The following SEC14L1 variants were observed in gnomAD, a reference collection of about 807,000 sequenced individuals.
The protein encoded by SEC14L1 is SEC14-like protein 1.
In SEC14L1, 48 loss-of-function variants were observed where a neutral mutation model predicts 85.3. The observed-to-expected ratio is 0.56, with a 90% CI of 0.45 to 0.72. SEC14L1 has a LOEUF of 0.72. SEC14L1 is among the 30% of genes least tolerant of loss of function. The probability of loss-of-function intolerance (pLI) is 0.00; values close to 1 mark genes in which losing one functional copy is unlikely to be tolerated. For missense variants in SEC14L1, 682 were observed against 921.4 expected (o/e 0.74, Z 3.36); for synonymous variants, 391 against 355.5 (o/e 1.10, Z -1.12).
intron 3 of SEC14L1, among the ~76,000 whole-genome samples, chr17:77,178,678 A>C (rs1974866628): frequency 6.6e-6 from 1 of 152,232 alleles, no homozygotes. Context: ...TGCAGCTTAC[A>C]GAGCGTGCAG....
intron 3 of SEC14L1, among the ~76,000 whole-genome samples, chr17:77,189,878 T>A (rs1010710060): frequency 6.6e-6 from 1 of 152,184 alleles, no homozygotes; most frequent in Non-Finnish European, 1.5e-5. Flanking sequence ...TCTGCCCACC[T>A]CAGACTCCCA....
In SEC14L1 at chr17:77,105,373, ACC is replaced by A. The variant is rs796673679; in HGVS notation, c.-136+12036_-136+12037del. 1.6e-3 allele frequency among the ~76,000 whole-genome samples: 129 copies of A among 82,406 alleles called. 4 individuals are homozygous for A. Among genetic ancestry groups the A allele is most frequent in the South Asian group, 5.2e-3 (14 of 2,684 alleles). 54.1% of individuals were successfully genotyped at this position (82,406 alleles called of 152,430 possible). Reference sequence around the variant, plus strand: ...GCCTGTGACATGCTCCTCGCTGACCACCCCCCCCCCCACCCCACGTAAAAAGA... The same window carrying A: ...GCCTGTGACATGCTCCTCGCTGACCACCCCCCCCCACCCCACGTAAAAAGA... On this transcript the variant is annotated intron_variant, in intron 3 of 19. Transcript: ENST00000392476.
intron 3 of SEC14L1, among the ~76,000 whole-genome samples, chr17:77,167,028 A>G (rs1256682874): frequency 6.6e-6 from 1 of 151,964 alleles, no homozygotes; most frequent in Non-Finnish European, 1.5e-5. Flanking sequence ...TCTTGTGTTC[A>G]TGTGTCCTCA....
intron 3 of SEC14L1, among the ~76,000 whole-genome samples, chr17:77,148,187 C>T (rs749911038): frequency 6.6e-6 from 1 of 152,028 alleles, no homozygotes; most frequent in Non-Finnish European, 1.5e-5. Context: ...ATGAAGGAGG[C>T]GGGAGGCCAC....
chr17:77,100,837 A>G (rs1012834372), intron 3 of SEC14L1, among the ~76,000 whole-genome samples: 1 of 151,844 alleles, frequency 6.6e-6, no homozygotes, highest in Non-Finnish European at 1.5e-5. Flanking sequence ...ATCCATTCCA[A>G]TTTTTTTCTT....
rs1285638876 is a variant in SEC14L1 at position 77,214,307 on chromosome 17, A to G, written c.*284A>G. ...TTGAAAGAAAAGTAGTTTCTGTACCAATTAAAGGATTGACGTGGTCTCAGA... is the reference window on the plus strand; with the variant it reads ...TTGAAAGAAAAGTAGTTTCTGTACCGATTAAAGGATTGACGTGGTCTCAGA... On this transcript the variant is annotated 3_prime_UTR_variant, in exon 17 of 17. Transcript: ENST00000436233. 5.9e-6 allele frequency: 7 copies of G among 1,186,150 alleles called. No individual in the cohort carries two copies. Among genetic ancestry groups the G allele is most frequent in the South Asian group, 2.6e-5 (1 of 38,160 alleles). The allele number at this position is 1,186,150 out of a possible 1,614,324, so 73.5% of individuals were successfully genotyped here.
In SEC14L1 at chr17:77,213,527, C is replaced by T; in HGVS notation, c.2042+35C>T. The T allele has an allele frequency of 1.9e-6, 3 of 1,600,208 alleles. No homozygotes were observed. The highest frequency in any genetic ancestry group is 8.5e-7 in the Non-Finnish European group (1 of 1,179,124). On this transcript the variant is annotated intron_variant, in intron 16 of 16. Transcript: ENST00000436233. The surrounding 1 kb of genome is among the most constrained non-coding windows in gnomAD (Gnocchi z 7.1). ...CCCTCGCCACAGCAGGTGCTGCGGACAGCTGGGCATGGTTGGAGGGAGCCT... is the reference window on the plus strand; with the variant it reads ...CCCTCGCCACAGCAGGTGCTGCGGATAGCTGGGCATGGTTGGAGGGAGCCT...
At chr17:77,169,998 C>T (rs151125383) in intron 3 of SEC14L1, among the ~76,000 whole-genome samples, 97 of 152,260 alleles carry the variant, frequency 6.4e-4, no homozygotes, top group Middle Eastern at 3.4e-3. Flanking sequence ...GTTATAGGAT[C>T]GGCCTCAGTC....
At chr17:77,191,006 C>T (rs983155128) in intron 4 of SEC14L1, 54 bp downstream of exon 4, 278 of 1,598,618 alleles carry the variant, frequency 1.7e-4, no homozygotes, top group Non-Finnish European at 2.2e-4. Flanking sequence ...TGGGAGAGGG[C>T]GTCCTGGTGG....
intron 3 of SEC14L1, among the ~76,000 whole-genome samples, chr17:77,128,977 T>C (rs762510640): frequency 2.2e-4 from 33 of 152,212 alleles, no homozygotes; most frequent in Non-Finnish European, 2.2e-4. Flanking sequence ...GCATTGGTCT[T>C]TTAATCATAT....
intron 3 of SEC14L1, among the ~76,000 whole-genome samples, chr17:77,095,625 T>C (rs1227153498): frequency 1.3e-5 from 2 of 152,132 alleles, no homozygotes; most frequent in African/African-American, 2.4e-5. Context: ...GAAAGCAGCC[T>C]GACCAACATG....
intron 3 of SEC14L1, among the ~76,000 whole-genome samples, chr17:77,148,128 C>G (rs933705193): frequency 6.6e-6 from 1 of 152,092 alleles, no homozygotes; most frequent in African/African-American, 2.4e-5. Flanking sequence ...GTGCATCTCC[C>G]CCTCCCCCTG....
chr17:77,126,838 T>G (rs1259639474), intron 3 of SEC14L1, among the ~76,000 whole-genome samples: 1 of 152,130 alleles, frequency 6.6e-6, no homozygotes, highest in Non-Finnish European at 1.5e-5. Context: ...ACCCTCGGGG[T>G]CCAGGAGGCT....
chr17:77,116,183 G>T (rs754172580), intron 3 of SEC14L1, among the ~76,000 whole-genome samples: 8 of 152,108 alleles, frequency 5.3e-5, no homozygotes, highest in Non-Finnish European at 1.2e-4. Flanking sequence ...GTCCCCCAAA[G>T]TGTTGGGATT....
intron 7 of SEC14L1, among the ~76,000 whole-genome samples, chr17:77,195,558 G>T (rs1975767589): frequency 6.6e-6 from 1 of 152,090 alleles, no homozygotes; most frequent in Non-Finnish European, 1.5e-5. Context: ...CACAATCTCG[G>T]CTCAGTGCAG....
chr17:77,128,865 G>A (rs1972530390), intron 3 of SEC14L1, among the ~76,000 whole-genome samples: 1 of 152,056 alleles, frequency 6.6e-6, no homozygotes, highest in Non-Finnish European at 1.5e-5. Context: ...TAGCCCCTTG[G>A]AGTCCATTTA....
Position 77,154,989 on chromosome 17 carries a change from G to A in SEC14L1, c.63+11330G>A, listed in dbSNP as rs111863083. On this transcript the variant is annotated intron_variant, in intron 3 of 16. Transcript: ENST00000436233. ...TTTTCCTCTGATTTTGCTGTTTGGGGACCCCCAGTTGTATATTTTGCATTT... is the reference window on the plus strand; with the variant it reads ...TTTTCCTCTGATTTTGCTGTTTGGGAACCCCCAGTTGTATATTTTGCATTT... Among the ~76,000 whole-genome samples, 1,213 of 152,200 alleles carry A rather than the reference G, an allele frequency of 8.0e-3. 21 individuals are homozygous for A. The highest frequency in any genetic ancestry group is 0.027 in the African/African-American group (1,135 of 41,508).
At chr17:77,135,386 A>C (rs72882059) in intron 3 of SEC14L1, among the ~76,000 whole-genome samples, 21,658 of 151,830 alleles carry the variant, frequency 0.14, 1,847 homozygotes, top group East Asian at 0.27. Flanking sequence ...GCTTTCCTCA[A>C]CTCCCCAGAG....
intron 15 of SEC14L1, among the ~76,000 whole-genome samples, 191 bp downstream of exon 15, chr17:77,212,392 A>G (rs117326265): frequency 0.013 from 1,938 of 152,280 alleles, 26 homozygotes; most frequent in South Asian, 0.056. Flanking sequence ...CAGGCCTCGC[A>G]GTGGTTTTGG....
Sources: allele counts gnomAD v4.1 joint callset (sites outside exome capture counted in the v4.1 genomes callset), GRCh38; gene constraint gnomAD v4.1.1; non-coding constraint Gnocchi (gnomAD v3.1); transcripts MANE v1.5; gene names NCBI Gene and HGNC (gene_info 2026-07-23, HGNC 2026-07-21).